Variants in KMT2C observed in about 807,000 individuals in gnomAD.
KMT2C encodes lysine methyltransferase 2C.
In KMT2C, 88 loss-of-function variants were observed where a neutral mutation model predicts 507.9. The observed-to-expected ratio is 0.17, with a 90% confidence interval of 0.15 to 0.21. KMT2C has a LOEUF of 0.21. Among genes scored for constraint, KMT2C ranks in the 10% least tolerant of loss-of-function variants. The probability of loss-of-function intolerance (pLI) is 1.00; values close to 1 mark genes in which losing one functional copy is unlikely to be tolerated. For missense variants in KMT2C, 4,954 were observed against 5,957.8 expected, an observed-to-expected ratio of 0.83 and a Z score of 5.55; for synonymous variants, 2,049 against 2,080.8, an observed-to-expected ratio of 0.98 and a Z score of 0.42.
intron 1 of KMT2C, among the ~76,000 whole-genome samples, chr7:152,418,453 C>A (rs969631728): frequency 1.3e-5 from 2 of 151,960 alleles, no homozygotes. Flanking sequence ...TGTTTTGAGA[C>A]AGAGTCTCGC....
At position 152,311,899 on chromosome 7, in the gene KMT2C, G is replaced by A. The variant is rs2096675066; in HGVS notation, c.638C>T (p.Thr213Ile). 1 of 1,610,608 alleles carries A rather than the reference G, an allele frequency of 6.2e-7. No individual in the cohort carries two copies. Among genetic ancestry groups the A allele is most frequent in the Non-Finnish European group, 8.5e-7 (1 of 1,177,346 alleles). The change falls in exon 5 of 59, where the codon ACC (threonine) becomes ATC (isoleucine). Residue 213 changes from threonine (T) to isoleucine (I), a missense_variant. By Grantham distance (89) the Thr-to-Ile change is moderately conservative. Transcript: ENST00000262189. ...QNIVSCVSVS[T>I]QTASDDQAGK... ...AGCTTGATCATCTGAAGCTGTCTGG[G>A]TGCTTACACTTACACAAGATACTAT...
intron 6 of KMT2C, among the ~76,000 whole-genome samples, 182 bp from the exon 7 acceptor site, chr7:152,274,049 T>G (rs1327519531): frequency 1.3e-5 from 2 of 152,196 alleles, no homozygotes; most frequent in Non-Finnish European, 2.9e-5. Flanking sequence ...TAGCGCTTCG[T>G]GTGCTACCAA....
chr7:152,146,369 T>G (rs541773051), intron 53 of KMT2C, among the ~76,000 whole-genome samples: 1 of 152,200 alleles, frequency 6.6e-6, no homozygotes. Flanking sequence ...CCTGCTTGCC[T>G]CCAGCCTGGA....
At position 152,162,228 on chromosome 7, in the gene KMT2C, A is replaced by G. The variant is rs2092494336; in HGVS notation, c.11349T>C (p.Asn3783=). Residue 3783 remains asparagine (N), a synonymous_variant, in exon 43 of 59, where the codon AAT becomes AAC. Coordinates refer to ENST00000262189, the MANE Select transcript of KMT2C (RefSeq NM_170606.3). ...GNELLKHLLK[N]KKSSSLLNQK... is the part of the protein sequence containing the mutation. ...GATTCAAAAGAGAAGATGACTTTTT[A>G]TTTTTCAACAAGTGTTTCAGAAGTT... The G allele has an allele frequency of 3.7e-6, 6 of 1,613,842 alleles. No homozygotes were observed. The highest frequency in any genetic ancestry group is 1.3e-5 in the African/African-American group (1 of 74,894).
intron 44 of KMT2C, chr7:152,157,907 G>C (rs762609623): frequency 7.5e-7 from 1 of 1,335,564 alleles, no homozygotes; most frequent in Non-Finnish European, 9.9e-7. Context: ...GGTTCCATTA[G>C]AGGGAGCAGA....
At chr7:152,247,343 C>T (rs558628219) in intron 14 of KMT2C, among the ~76,000 whole-genome samples, 24 of 152,094 alleles carry the variant, frequency 1.6e-4, no homozygotes, top group Middle Eastern at 3.4e-3. Flanking sequence ...ATCAACAGTA[C>T]AATTCTAAGA....
chr7:152,362,334 C>T (rs1029771473), intron 1 of KMT2C, among the ~76,000 whole-genome samples: 18 of 151,796 alleles, frequency 1.2e-4, no homozygotes, highest in African/African-American at 4.1e-4. Flanking sequence ...GAAGGATATA[C>T]GGTGGCTGGG....
rs1419334112 is a variant in KMT2C at position 152,194,680 on chromosome 7, T to TA, written c.4379-113dup. 1.1e-5 allele frequency: 8 copies of TA among 701,880 alleles called. No individual in the cohort carries two copies. In the East Asian group the frequency reaches 2.4e-4, roughly 21 times the overall value. 43.5% of individuals were successfully genotyped at this position (701,880 alleles called of 1,614,324 possible). On this transcript the variant is annotated intron_variant, in intron 28 of 58. Coordinates refer to ENST00000262189, the MANE Select transcript of KMT2C (RefSeq NM_170606.3). The stretch of plus-strand genomic sequence containing the variant: ...TAACAATATGATTAAAATAGAGAAA[T>TA]AAAGTCTGTAATTCTGAATCAGAAT...
At chr7:152,290,210 TTA>T (rs560278783) in intron 6 of KMT2C, among the ~76,000 whole-genome samples, 1,491 of 114,916 alleles carry the variant, frequency 0.013, 49 homozygotes, top group African/African-American at 0.047. Context: ...CTAATAAATT[TTA>T]TATATATATG....
intron 23 of KMT2C, among the ~76,000 whole-genome samples, chr7:152,216,441 ATGTG>A (rs2094585062): frequency 6.6e-6 from 1 of 152,216 alleles, no homozygotes; most frequent in South Asian, 2.1e-4. Context: ...GATTCTGTAG[ATGTG>A]TGTAATATAA....
chr7:152,431,257 A>G (rs1296470052), intron 1 of KMT2C, among the ~76,000 whole-genome samples: 1 of 152,128 alleles, frequency 6.6e-6, no homozygotes, highest in African/African-American at 2.4e-5. Context: ...TTAGTAAACA[A>G]TATATAAATT....
intron 23 of KMT2C, among the ~76,000 whole-genome samples, chr7:152,219,771 C>G (rs999492487): frequency 4.6e-5 from 7 of 152,112 alleles, no homozygotes; most frequent in African/African-American, 1.4e-4. Context: ...GCAGGCTGAG[C>G]AGAGCAGATG....
At chr7:152,374,354 TGAAAA>T (rs899740358) in intron 1 of KMT2C, among the ~76,000 whole-genome samples, 4 of 150,984 alleles carry the variant, frequency 2.6e-5, no homozygotes, top group African/African-American at 9.7e-5. Context: ...TAATAAAAAT[TGAAAA>T]GAAATTTTAA....
chr7:152,194,137 T>C lies in KMT2C; in HGVS notation c.4541-9A>G, dbSNP rs191444933. 1.3e-4 allele frequency: 210 copies of C among 1,569,226 alleles called. 1 individual carries two copies. The East Asian group carries it at 4.3e-3, about 32-fold the overall frequency. ...ATCTTTTCCGCCAAGCTCTAGGAGATAAAACAATAATAGTAACAAGATTAA... is the reference window on the plus strand; with the variant it reads ...ATCTTTTCCGCCAAGCTCTAGGAGACAAAACAATAATAGTAACAAGATTAA... On this transcript the variant is annotated splice_polypyrimidine_tract_variant and intron_variant, in intron 30 of 58. Transcript: ENST00000262189.
Position 152,224,529 on chromosome 7 carries a change from G to A in KMT2C, c.3064C>T (p.Leu1022Phe), listed in dbSNP as rs4024358. The part of the protein sequence containing the change: ...ACGKATDPGR[L>F]LLCDDCDISY... Reference sequence around the variant, plus strand: ...ATGTCACAGTCATCACACAGCAGGAGTCTTCCTGGGTCAGTTGCCTTCCCA... The same window carrying A: ...ATGTCACAGTCATCACACAGCAGGAATCTTCCTGGGTCAGTTGCCTTCCCA... Residue 1022 changes from leucine to phenylalanine, a missense_variant, in exon 19 of 59, where the codon CTC becomes TTC. By Grantham distance (22) the Leu-to-Phe change is conservative. Coordinates refer to ENST00000262189, the MANE Select transcript of KMT2C (RefSeq NM_170606.3). 1 of 1,611,486 alleles carries A rather than the reference G, an allele frequency of 6.2e-7. No homozygotes were observed. Among genetic ancestry groups the A allele is most frequent in the South Asian group, 1.1e-5 (1 of 90,972 alleles).
At chr7:152,359,235 G>A (rs911595956) in intron 1 of KMT2C, among the ~76,000 whole-genome samples, 1 of 142,430 alleles carries the variant, frequency 7.0e-6, no homozygotes, top group Non-Finnish European at 1.5e-5. Context: ...CTTCAGGAAA[G>A]TAAAATAAAG....
chr7:152,343,170 T>C (rs556327468), intron 2 of KMT2C, among the ~76,000 whole-genome samples: 2 of 152,042 alleles, frequency 1.3e-5, no homozygotes, highest in Admixed American at 6.6e-5. Flanking sequence ...CAGGAAGGAA[T>C]TTGAAATGAT....
chr7:152,205,048 A>G, intron 25 of KMT2C, 58 bp downstream of exon 25: 1 of 1,103,638 alleles, frequency 9.1e-7, no homozygotes, highest in Non-Finnish European at 1.3e-6. Context: ...TCCAATAGAA[A>G]TATCAAGACC....
In KMT2C at chr7:152,308,673, C is replaced by CAAAAAAAAAAAAAA. The variant is rs938826373; in HGVS notation, c.849+1279_849+1292dup. ...CTGCACAACACAGCAAAACTCCTCTCAAAAAAAAAAAAAAAAAAAAAAAAA... is the reference window on the plus strand; with the variant it reads ...CTGCACAACACAGCAAAACTCCTCTCAAAAAAAAAAAAAAAAAAAAAAAAAAAAAAAAAAAAAAA... On this transcript the variant is annotated intron_variant, in intron 6 of 58. Coordinates refer to ENST00000262189, the MANE Select transcript of KMT2C (RefSeq NM_170606.3). 2.0e-3 allele frequency among the ~76,000 whole-genome samples: 50 copies of CAAAAAAAAAAAAAA among 24,566 alleles called. 5 individuals carry two copies. The highest frequency in any genetic ancestry group is 7.7e-3 in the East Asian group (5 of 646). 16.1% of individuals were successfully genotyped at this position (24,566 alleles called of 152,430 possible).
Sources: gnomAD v4.1 joint callset for allele counts (sites outside exome capture counted in the v4.1 genomes callset) on GRCh38, gnomAD v4.1.1 for gene constraint, MANE v1.5 for transcripts, NCBI Gene and HGNC (gene_info 2026-07-23, HGNC 2026-07-21) for gene names.